The following KIAA0825 variants were observed in gnomAD, a reference collection of about 807,000 sequenced individuals.
KIAA0825 encodes uncharacterized protein KIAA0825.
KIAA0825 carries 119 observed loss-of-function variants against 147.6 expected under a neutral mutation model. The observed-to-expected ratio is 0.81, with a 90% CI of 0.69 to 0.94. The LOEUF (loss-of-function observed/expected upper bound fraction) is 0.94. Ranked by LOEUF, KIAA0825 falls within the 40% of genes least tolerant of loss-of-function variation. The pLI is 0.00. For synonymous variants in KIAA0825, 470 were observed against 518.1 expected, an observed-to-expected ratio of 0.91 and a Z score of 1.26; for missense variants, 1,381 against 1,472.7, an observed-to-expected ratio of 0.94 and a Z score of 1.02.
intron 20 of KIAA0825, among the ~76,000 whole-genome samples, chr5:94,190,984 T>C (rs1770632157): frequency 6.6e-6 from 1 of 152,210 alleles, no homozygotes; most frequent in African/African-American, 2.4e-5. Context: ...TATTATCTAA[T>C]GTTTTTCTTT....
At chr5:94,284,826 G>A (rs771828989) in intron 20 of KIAA0825, among the ~76,000 whole-genome samples, 8 of 151,802 alleles carry the variant, frequency 5.3e-5, no homozygotes, top group African/African-American at 1.2e-4. Context: ...CACCTGTGCC[G>A]TACCCTCTGC....
chr5:94,565,170 G>A (rs1778465855), intron 2 of KIAA0825, among the ~76,000 whole-genome samples: 1 of 140,218 alleles, frequency 7.1e-6, no homozygotes, highest in South Asian at 2.3e-4. Context: ...CTGGCCCAAG[G>A]GAACCTCCTG....
At chr5:94,350,775 C>A (rs775318360) in intron 20 of KIAA0825, among the ~76,000 whole-genome samples, 4 of 152,102 alleles carry the variant, frequency 2.6e-5, no homozygotes, top group Admixed American at 6.6e-5. Flanking sequence ...AAGGGACATA[C>A]CTTAATGTAA....
chr5:94,529,371 ATATATCTCATATATGTATATATCATATG>A (rs1561269227), intron 3 of KIAA0825, among the ~76,000 whole-genome samples: 3 of 119,658 alleles, frequency 2.5e-5, no homozygotes, highest in South Asian at 2.5e-4. Flanking sequence ...TCATATATGT[ATATATCTCATATATGTATATATCATATG>A]TATATCTCAT....
chr5:94,600,044 T>C (rs1291872853), intron 1 of KIAA0825, among the ~76,000 whole-genome samples: 1 of 152,160 alleles, frequency 6.6e-6, no homozygotes, highest in Non-Finnish European at 1.5e-5. Flanking sequence ...GAGGAAGACA[T>C]ATAAATGGCC....
chr5:94,243,935 G>A (rs894862614), intron 20 of KIAA0825, among the ~76,000 whole-genome samples: 1 of 152,000 alleles, frequency 6.6e-6, no homozygotes, highest in Non-Finnish European at 1.5e-5. Flanking sequence ...TGTTTGATTT[G>A]GCTCTCCAGA....
At chr5:94,446,589 A>G (rs548830419) in intron 13 of KIAA0825, among the ~76,000 whole-genome samples, 1 of 152,262 alleles carries the variant, frequency 6.6e-6, no homozygotes, top group African/African-American at 2.4e-5. Context: ...TAGAAAGAAA[A>G]TGTAAATGGG....
chr5:94,563,196 A>C (rs928878662), intron 2 of KIAA0825, among the ~76,000 whole-genome samples: 2 of 58,436 alleles, frequency 3.4e-5, no homozygotes, highest in Non-Finnish European at 4.2e-5. Context: ...CAAAAAAAAC[A>C]AAAAAAAAAA....
intron 20 of KIAA0825, among the ~76,000 whole-genome samples, chr5:94,195,651 C>T (rs1771067610): frequency 6.6e-6 from 1 of 151,140 alleles, no homozygotes; most frequent in Non-Finnish European, 1.5e-5. Flanking sequence ...GTGACAAGAG[C>T]TCTTTTTTTT....
At chr5:94,281,289 A>G (rs1032504673) in intron 20 of KIAA0825, among the ~76,000 whole-genome samples, 2 of 151,988 alleles carry the variant, frequency 1.3e-5, no homozygotes, top group African/African-American at 2.4e-5. Context: ...CATTTAAAGT[A>G]TAGACATAAA....
chr5:94,170,301 A>AAAAACAAAACAAAAC (rs369548025), intron 20 of KIAA0825, among the ~76,000 whole-genome samples: 1 of 152,110 alleles, frequency 6.6e-6, no homozygotes, highest in African/African-American at 2.4e-5. Flanking sequence ...TCCATCTCAA[A>AAAAACAAAACAAAAC]AAAACAAAAC....
chr5:94,252,286 G>A (rs1776003342), intron 20 of KIAA0825, among the ~76,000 whole-genome samples: 1 of 151,936 alleles, frequency 6.6e-6, no homozygotes, highest in South Asian at 2.1e-4. Context: ...GCTGTGTGCT[G>A]AAGTCTTCTA....
chr5:94,330,803 CA>C lies in KIAA0825; in HGVS notation c.3710+53564del, dbSNP rs374390503. Among the ~76,000 whole-genome samples the C allele has an allele frequency of 6.4e-4, 98 of 152,164 alleles. 1 individual carries two copies. The East Asian group carries it at 0.016, about 25-fold the overall frequency. On this transcript the variant is annotated intron_variant, in intron 20 of 20. Coordinates refer to ENST00000682413, the MANE Select transcript of KIAA0825 (RefSeq NM_001145678.3). ...TTTTCAGACTTTCTTCCCTTCCCCTCAAAAGAGAGAGAGAAGACACAACTTA... is the reference window on the plus strand; with the variant it reads ...TTTTCAGACTTTCTTCCCTTCCCCTCAAAGAGAGAGAGAAGACACAACTTA...
chr5:94,411,374 A>C (rs184555819), intron 15 of KIAA0825, among the ~76,000 whole-genome samples: 6 of 152,344 alleles, frequency 3.9e-5, no homozygotes, highest in Admixed American at 6.5e-5. Flanking sequence ...GTCCAGAAAT[A>C]GATGCATCTA....
intron 19 of KIAA0825, among the ~76,000 whole-genome samples, chr5:94,385,351 C>T (rs952318723): frequency 1.3e-5 from 2 of 152,168 alleles, no homozygotes; most frequent in Non-Finnish European, 2.9e-5. Flanking sequence ...GAGAATTCCA[C>T]CCTGGGTTGT....
chr5:94,399,300 T>C (rs899120881), intron 16 of KIAA0825, among the ~76,000 whole-genome samples: 1 of 152,156 alleles, frequency 6.6e-6, no homozygotes, highest in African/African-American at 2.4e-5. Flanking sequence ...ACTTGAAAGA[T>C]TGTATCTTAT....
Position 94,440,000 on chromosome 5 carries a change from T to C in KIAA0825, c.2479A>G (p.Ile827Val). 6.4e-7 allele frequency: 1 copy of C among 1,551,606 alleles called. No individual in the cohort carries two copies. The highest frequency in any genetic ancestry group is 8.7e-7 in the Non-Finnish European group (1 of 1,146,766). ...TACTCACTTGAGCTCTTCAGCAAGA[T>C]TCTCAGTAAAAGTCCATCATGATGC... ...LLHHDGLLLR[I>V]LLKSSKQVSD... is the part of the protein sequence containing the mutation. Residue 827 changes from isoleucine (I) to valine (V), a missense_variant, in exon 14 of 21, where the codon ATC becomes GTC. Ile to Val is a conservative substitution (Grantham distance 29). Coordinates refer to ENST00000682413, the MANE Select transcript of KIAA0825 (RefSeq NM_001145678.3).
At chr5:94,510,818 A>G (rs149467701) in intron 5 of KIAA0825, among the ~76,000 whole-genome samples, 2 of 152,376 alleles carry the variant, frequency 1.3e-5, no homozygotes, top group East Asian at 1.9e-4. Flanking sequence ...TAAAGCTGCT[A>G]GCAGTTTCTC....
intron 20 of KIAA0825, among the ~76,000 whole-genome samples, chr5:94,317,238 T>C (rs1283586443): frequency 4.0e-5 from 6 of 151,824 alleles, no homozygotes; most frequent in African/African-American, 1.4e-4. Context: ...ATTTCCCTGA[T>C]GGAAATAACT....
Sources: allele counts gnomAD v4.1 joint callset (sites outside exome capture counted in the v4.1 genomes callset), GRCh38; gene constraint gnomAD v4.1.1; transcripts MANE v1.5; gene names NCBI Gene and HGNC (gene_info 2026-07-23, HGNC 2026-07-21).